The following AFAP1L2 variants were observed in gnomAD, a reference collection of about 807,000 sequenced individuals.
AFAP1L2 encodes the protein actin filament-associated protein 1-like 2.
A neutral mutation model predicts 99.3 loss-of-function variants in AFAP1L2; 46 were observed. That is an observed-to-expected ratio of 0.46 (90% CI 0.37 to 0.59). The LOEUF (loss-of-function observed/expected upper bound fraction) is 0.59. AFAP1L2 is among the 20% of genes least tolerant of loss of function. The pLI is 0.00. For missense variants in AFAP1L2, 959 were observed against 1,034.9 expected, an observed-to-expected ratio of 0.93 and a Z score of 1.01; for synonymous variants, 397 against 419.1, an observed-to-expected ratio of 0.95 and a Z score of 0.64.
At chr10:114,331,696 A>G in intron 4 of AFAP1L2, 107 bp downstream of exon 4, 1 of 755,450 alleles carries the variant, frequency 1.3e-6, no homozygotes. Flanking sequence ...TGAACACAGT[A>G]GCTGCTCAGA....
intron 1 of AFAP1L2, 112 bp downstream of exon 1, chr10:114,404,328 G>T: frequency 1.6e-6 from 2 of 1,218,734 alleles, no homozygotes; most frequent in Non-Finnish European, 2.3e-6. Flanking sequence ...CTGGGTGGGG[G>T]CAGTGGGCTC....
chr10:114,292,390 T>C (rs954278213), downstream of AFAP1L2, among the ~76,000 whole-genome samples: 1 of 152,136 alleles, frequency 6.6e-6, no homozygotes, highest in Non-Finnish European at 1.5e-5. Context: ...CTCAAAAATA[T>C]AGGATAAAGA....
chr10:114,359,009 T>C (rs2051822491), intron 1 of AFAP1L2, among the ~76,000 whole-genome samples: 1 of 152,210 alleles, frequency 6.6e-6, no homozygotes, highest in South Asian at 2.1e-4. Flanking sequence ...ACAGGAGAAT[T>C]ATGGTCCATT....
downstream of AFAP1L2, among the ~76,000 whole-genome samples, chr10:114,290,638 A>G (rs975477627): frequency 7.2e-5 from 11 of 152,144 alleles, no homozygotes; most frequent in Admixed American, 5.2e-4. Flanking sequence ...ATAATACAAC[A>G]TGTGGTGTGG....
intron 8 of AFAP1L2, among the ~76,000 whole-genome samples, chr10:114,310,119 G>A (rs1468768609): frequency 2.0e-5 from 3 of 152,056 alleles, no homozygotes; most frequent in Non-Finnish European, 4.4e-5. Context: ...TAAAGGCACG[G>A]TTTCACCATG....
At chr10:114,380,279 G>A (rs905130803) in intron 1 of AFAP1L2, among the ~76,000 whole-genome samples, 6 of 152,166 alleles carry the variant, frequency 3.9e-5, no homozygotes, top group African/African-American at 1.4e-4. Flanking sequence ...TCTTGGCAAG[G>A]TGCCCAAGAA....
chr10:114,323,383 C>T lies in AFAP1L2; in HGVS notation c.316-122G>A, dbSNP rs185852554. On this transcript the variant is annotated intron_variant, in intron 4 of 18. Transcript: ENST00000304129. The stretch of plus-strand genomic sequence containing the variant: ...GCCCAGCTGGACTTTAAACTTTAAG[C>T]AAGTTGGGAGGGAGAACATGCAGTA... 7.5e-5 allele frequency: 59 copies of T among 784,412 alleles called. No individual in the cohort carries two copies. In the African/African-American group the frequency reaches 9.0e-4, roughly 12 times the overall value. 48.6% of individuals were successfully genotyped at this position (784,412 alleles called of 1,614,324 possible). A position where few individuals can be genotyped will look rare whatever the true frequency, so the allele number is the denominator to read the frequency against.
intron 1 of AFAP1L2, among the ~76,000 whole-genome samples, chr10:114,383,093 C>G (rs924812075): frequency 6.6e-6 from 1 of 152,024 alleles, no homozygotes; most frequent in African/African-American, 2.4e-5. Flanking sequence ...AAAAAAAGAT[C>G]AACAGTGGTA....
intron 1 of AFAP1L2, among the ~76,000 whole-genome samples, chr10:114,348,263 C>T (rs902897641): frequency 4.6e-5 from 7 of 151,952 alleles, no homozygotes; most frequent in Admixed American, 1.3e-4. Context: ...ATACAGTAAA[C>T]GCTCCTGTTT....
the AFAP1L2 span, chr10:114,289,605 C>A: frequency 8.3e-7 from 1 of 1,208,162 alleles, no homozygotes; most frequent in Non-Finnish European, 1.2e-6. Flanking sequence ...CACTTGCTTC[C>A]CAAGTGCCAG....
chr10:114,394,559 G>C (rs1305311863), intron 1 of AFAP1L2, among the ~76,000 whole-genome samples: 7 of 152,090 alleles, frequency 4.6e-5, no homozygotes, highest in Non-Finnish European at 5.9e-5. Flanking sequence ...AATGGAAGTG[G>C]TAGAAAGAAA....
chr10:114,377,722 G>A lies in AFAP1L2; in HGVS notation c.16+26718C>T, dbSNP rs1012112184. 6.6e-6 allele frequency among the ~76,000 whole-genome samples: 1 copy of A among 152,168 alleles called. No individual in the cohort carries two copies. The highest frequency in any genetic ancestry group is 1.9e-4 in the East Asian group (1 of 5,198). ...GCAAGATGCATTTCTGCCCTCAAAT[G>A]CCTTAATTTCAACTCAGCAAGGTAT... On this transcript the variant is annotated intron_variant, in intron 1 of 18. Transcript: ENST00000304129. This position sits in a 1 kb window ranked among gnomAD's most constrained non-coding sequence, Gnocchi z 4.0.
intron 2 of AFAP1L2, 38 bp downstream of exon 2, chr10:114,340,565 G>T (rs532729058): frequency 3.8e-6 from 6 of 1,595,010 alleles, no homozygotes; most frequent in Non-Finnish European, 5.1e-6. Context: ...ATCTCTTTTG[G>T]CGTGGAGGCC....
At chr10:114,343,715 C>G (rs2049114453) in intron 1 of AFAP1L2, among the ~76,000 whole-genome samples, 1 of 152,214 alleles carries the variant, frequency 6.6e-6, no homozygotes, top group Non-Finnish European at 1.5e-5. Context: ...CTAGAGGTTG[C>G]ACCTGGCAAA....
rs185175340 is a variant in AFAP1L2 at position 114,366,878 on chromosome 10, G to T, written c.17-26147C>A. Among the ~76,000 whole-genome samples, 20 of 152,322 alleles carry T rather than the reference G, an allele frequency of 1.3e-4. No homozygotes were observed. In the East Asian group the frequency reaches 3.9e-3, roughly 29 times the overall value. On this transcript the variant is annotated intron_variant, in intron 1 of 18. Coordinates refer to ENST00000304129, the MANE Select transcript of AFAP1L2 (RefSeq NM_001001936.3). ...AGCTACTCAGGGGGCTGAGGCAGGA[G>T]AATCGCTTGAACCCAGGAGGTGGCG...
chr10:114,299,182 A>G, intron 16 of AFAP1L2, 78 bp downstream of exon 16: 3 of 1,556,644 alleles, frequency 1.9e-6, no homozygotes, highest in Non-Finnish European at 2.6e-6. Flanking sequence ...GTGTGGTGAC[A>G]GCCAGATCTT....
intron 2 of AFAP1L2, among the ~76,000 whole-genome samples, chr10:114,334,969 C>G (rs910607820): frequency 6.6e-6 from 1 of 152,158 alleles, no homozygotes; most frequent in Admixed American, 6.5e-5. Flanking sequence ...AACTCAGATA[C>G]TAGGGGGTTT....
chr10:114,299,082 AC>A (rs1218707100), intron 16 of AFAP1L2, among the ~76,000 whole-genome samples, 177 bp downstream of exon 16: 1 of 152,210 alleles, frequency 6.6e-6, no homozygotes, highest in Non-Finnish European at 1.5e-5. Context: ...CAGGAGAATG[AC>A]CTTTCAGACA....
intron 1 of AFAP1L2, among the ~76,000 whole-genome samples, chr10:114,392,694 G>T (rs2057285430): frequency 6.6e-6 from 1 of 152,170 alleles, no homozygotes. Context: ...TTTTTTAAAA[G>T]CCATTTGGGG....
Sources: allele counts gnomAD v4.1 joint callset (sites outside exome capture counted in the v4.1 genomes callset), GRCh38; gene constraint gnomAD v4.1.1; non-coding constraint Gnocchi (gnomAD v3.1); transcripts MANE v1.5; gene names NCBI Gene and HGNC (gene_info 2026-07-23, HGNC 2026-07-21).